The following SLC37A2 variants were observed in gnomAD, a reference collection of about 807,000 sequenced individuals.
The protein encoded by SLC37A2 is solute carrier family 37 member 2.
SLC37A2 carries 59 observed loss-of-function variants against 70.7 expected under a neutral mutation model. That is an observed-to-expected ratio of 0.83 (90% CI 0.68 to 1.04). The LOEUF is 1.04. Ranked by LOEUF, SLC37A2 falls within the 50% of genes least tolerant of loss-of-function variation. The pLI, the probability that SLC37A2 is intolerant of heterozygous loss-of-function variation, is 0.00. For missense variants in SLC37A2, 580 were observed against 658.1 expected (o/e 0.88, Z 1.30); for synonymous variants, 257 against 262.1 (o/e 0.98, Z 0.19).
chr11:125,068,902 C>T (rs1354911281), intron 1 of SLC37A2, among the ~76,000 whole-genome samples: 1 of 152,110 alleles, frequency 6.6e-6, no homozygotes, highest in Non-Finnish European at 1.5e-5. Context: ...TTCACATGTC[C>T]CCAAGGAGGG....
At position 125,081,861 on chromosome 11, in the gene SLC37A2, C is replaced by A; in HGVS notation, c.840C>A (p.Cys280Ter). The change falls in exon 9 of 18, where the codon TGC becomes TGA. Residue 280 changes from cysteine (C) to a stop codon, truncating the protein, a stop_gained. Coordinates refer to ENST00000403796, the MANE Select transcript of SLC37A2 (RefSeq NM_001145290.2). LOFTEE classifies it high-confidence loss of function. The stretch of plus-strand genomic sequence containing the variant: ...TGGCCAAATGCTCCAAGGGGCCATG[C>A]GAAGAGCCTGCTGCCATCAGCTTCT... ...ETVAKCSKGP[C>*]EEPAAISFFG... 1.2e-6 allele frequency: 2 copies of A among 1,613,758 alleles called. No individual in the cohort carries two copies. The highest frequency in any genetic ancestry group is 1.7e-6 in the Non-Finnish European group (2 of 1,179,782).
At position 125,083,878 on chromosome 11, in the gene SLC37A2, G is replaced by T; in HGVS notation, c.1039+1G>T. 1 of 1,613,914 alleles carries T rather than the reference G, an allele frequency of 6.2e-7. No homozygotes were observed. Among genetic ancestry groups the T allele is most frequent in the East Asian group, 2.2e-5 (1 of 44,880 alleles). On this transcript the variant is annotated splice_donor_variant, in intron 11 of 17. Coordinates refer to ENST00000403796, the MANE Select transcript of SLC37A2 (RefSeq NM_001145290.2). LOFTEE classifies it high-confidence loss of function. The surrounding 1 kb of genome is among the most constrained non-coding windows in gnomAD (Gnocchi z 4.6). ...CTCTTCGATGTTGGTGGCATCATAGGTGAGGCCTTGCCCTGCTCTGCCAGC... is the reference window on the plus strand; with the variant it reads ...CTCTTCGATGTTGGTGGCATCATAGTTGAGGCCTTGCCCTGCTCTGCCAGC...
At chr11:125,071,390 C>T (rs537441955) in intron 1 of SLC37A2, among the ~76,000 whole-genome samples, 13 of 152,344 alleles carry the variant, frequency 8.5e-5, no homozygotes, top group South Asian at 2.1e-4. Flanking sequence ...ATTCCGGCTG[C>T]TGATCAGAGT....
At chr11:125,071,624 C>G (rs12276686) in intron 1 of SLC37A2, among the ~76,000 whole-genome samples, 1 of 152,174 alleles carries the variant, frequency 6.6e-6, no homozygotes, top group East Asian at 1.9e-4. Flanking sequence ...CGAGTCATCT[C>G]GATCTCTCTG....
intron 9 of SLC37A2, 57 bp from the exon 10 acceptor site, chr11:125,082,187 C>T: frequency 6.4e-7 from 1 of 1,553,590 alleles, no homozygotes; most frequent in Non-Finnish European, 8.9e-7. Flanking sequence ...CTTGGGGCCA[C>T]CACTGAACCC....
rs1949157815 is a variant in SLC37A2 at position 125,082,160 on chromosome 11, G to A, written c.886-84G>A. 9.1e-6 allele frequency: 12 copies of A among 1,313,410 alleles called. No homozygotes were observed. In the South Asian group the frequency reaches 1.2e-4, roughly 13 times the overall value. The allele number at this position is 1,313,410 out of a possible 1,614,324, so 81.4% of individuals were successfully genotyped here. A position where few individuals can be genotyped will look rare whatever the true frequency, so the allele number is the denominator to read the frequency against. ...TGTGGCAGGTGATGGAAAGTACTGG[G>A]GTGGTGCTGAGCACCCCTTGGGGCC... On this transcript the variant is annotated intron_variant, in intron 9 of 17. Transcript: ENST00000403796.
intron 2 of SLC37A2, 136 bp downstream of exon 2, chr11:125,076,974 T>G: frequency 1.2e-6 from 1 of 869,518 alleles, no homozygotes; most frequent in Non-Finnish European, 1.8e-6. Flanking sequence ...CAGGAGCTCC[T>G]TTTGAGTTTA....
At chr11:125,088,096 T>C in intron 17 of SLC37A2, 23 bp from the exon 18 acceptor site, 1 of 1,551,310 alleles carries the variant, frequency 6.4e-7, no homozygotes, top group Non-Finnish European at 8.7e-7. Context: ...TTCTCTTCTG[T>C]CCCCCCTCTC....
rs910897639 is a variant in SLC37A2 at position 125,080,967 on chromosome 11, C to T, written c.694+187C>T. 6.6e-6 allele frequency among the ~76,000 whole-genome samples: 1 copy of T among 152,106 alleles called. No homozygotes were observed. The highest frequency in any genetic ancestry group is 2.4e-5 in the African/African-American group (1 of 41,408). On this transcript the variant is annotated intron_variant, in intron 7 of 17. Transcript: ENST00000403796. The surrounding 1 kb of genome is among the most constrained non-coding windows in gnomAD (Gnocchi z 4.3). ...ATAATAGTAATAATAATGTCTATTT[C>T]GTAGGATTTCTGCAGGCTTAACTGA...
chr11:125,082,546 AC>A (rs1324468759), intron 10 of SLC37A2, among the ~76,000 whole-genome samples: 3 of 152,050 alleles, frequency 2.0e-5, no homozygotes, highest in Non-Finnish European at 4.4e-5. Context: ...GACTCCAGCC[AC>A]CTTTTCTCCC....
At chr11:125,088,041 C>T (rs1476589351) in intron 17 of SLC37A2, 78 bp from the exon 18 acceptor site, 3 of 1,496,024 alleles carry the variant, frequency 2.0e-6, no homozygotes, top group African/African-American at 2.8e-5. Flanking sequence ...TGGGACCCTG[C>T]CTTTCCTCTC....
chr11:125,086,861 C>A (rs941198532), intron 17 of SLC37A2: 3 of 161,770 alleles, frequency 1.9e-5, no homozygotes, highest in Admixed American at 1.2e-4. Context: ...GAGCTGTGGA[C>A]CTGGGCTGGA....
At chr11:125,086,137 T>G in intron 17 of SLC37A2, 119 bp downstream of exon 17, 2 of 1,535,862 alleles carry the variant, frequency 1.3e-6, no homozygotes, top group Non-Finnish European at 1.8e-6. Context: ...TGAGGAGCAC[T>G]GAGCCAGTCC....
intron 1 of SLC37A2, among the ~76,000 whole-genome samples, chr11:125,072,384 G>A (rs771279387): frequency 1.3e-5 from 2 of 152,144 alleles, no homozygotes; most frequent in African/African-American, 2.4e-5. Flanking sequence ...GGGGAGGTGG[G>A]ATTCTGAGAA....
intron 17 of SLC37A2, chr11:125,086,381 A>C: frequency 1.2e-6 from 1 of 840,710 alleles, no homozygotes; most frequent in South Asian, 1.4e-5. Flanking sequence ...CCAGTTGTAA[A>C]GACTTTCAAC....
Position 125,081,405 on chromosome 11 carries a change from C to G in SLC37A2, c.695-16C>G, listed in dbSNP as rs976443483. 6.2e-7 allele frequency: 1 copy of G among 1,602,182 alleles called. No homozygotes were observed. The highest frequency in any genetic ancestry group is 8.5e-7 in the Non-Finnish European group (1 of 1,174,008). On this transcript the variant is annotated splice_polypyrimidine_tract_variant and intron_variant, in intron 7 of 17. Transcript: ENST00000403796. ...GGGGGTTGGGAAACTTCTTAGAAAG[C>G]GATTTTTTTTTCTAGACCCAGAAGA...
At chr11:125,082,386 C>A in intron 10 of SLC37A2, 52 bp downstream of exon 10, 1 of 1,539,104 alleles carries the variant, frequency 6.5e-7, no homozygotes, top group Non-Finnish European at 9.0e-7. Context: ...CCAAGGCTGC[C>A]TCTGGTGGGA....
chr11:125,067,291 C>T (rs1316330243), intron 1 of SLC37A2, among the ~76,000 whole-genome samples: 1 of 152,132 alleles, frequency 6.6e-6, no homozygotes, highest in East Asian at 1.9e-4. Flanking sequence ...CATGCCCAGC[C>T]TCCAGTAACA....
At chr11:125,069,014 C>T (rs1949005522) in intron 1 of SLC37A2, among the ~76,000 whole-genome samples, 1 of 152,198 alleles carries the variant, frequency 6.6e-6, no homozygotes, top group Non-Finnish European at 1.5e-5. Flanking sequence ...ATACCTGTAT[C>T]ACACGAGTGT....
Sources: gnomAD v4.1 joint callset for allele counts (sites outside exome capture counted in the v4.1 genomes callset) on GRCh38, gnomAD v4.1.1 for gene constraint, Gnocchi (gnomAD v3.1) non-coding constraint, MANE v1.5 for transcripts, NCBI Gene and HGNC (gene_info 2026-07-23, HGNC 2026-07-21) for gene names.